Variants in DIAPH2 observed in about 807,000 individuals in gnomAD.
DIAPH2 encodes the protein protein diaphanous homolog 2.
DIAPH2 carries 35 observed loss-of-function variants against 92.7 expected under a neutral mutation model. That is an observed-to-expected ratio of 0.38 (90% CI 0.29 to 0.50). DIAPH2 has a LOEUF of 0.50. DIAPH2 is among the 20% of genes least tolerant of loss of function. The pLI is 0.94. For missense variants in DIAPH2, 701 were observed against 819.5 expected (o/e 0.86, Z 1.77); for synonymous variants, 301 against 280.4 (o/e 1.07, Z -0.73).
At chrX:97,309,021 A>C (rs2068771614) in intron 23 of DIAPH2, among the ~76,000 whole-genome samples, 1 of 109,467 alleles carries the variant, frequency 9.1e-6, no homozygotes, top group Admixed American at 9.7e-5. Flanking sequence ...TCCGTCTCAA[A>C]AAAACAAAAC....
intron 26 of DIAPH2, among the ~76,000 whole-genome samples, chrX:97,430,111 T>C (rs1489100688): frequency 8.9e-6 from 1 of 112,103 alleles, no homozygotes; most frequent in African/African-American, 3.2e-5. Context: ...TCACATTAGC[T>C]ATTCACAGGT....
chrX:97,161,154 G>A (rs1021634652), intron 22 of DIAPH2, among the ~76,000 whole-genome samples: 6 of 105,340 alleles, frequency 5.7e-5, no homozygotes, highest in Non-Finnish European at 1.2e-4. Context: ...TCCATGATCC[G>A]AAAGACCTGG....
chrX:97,248,675 T>G (rs995634572), intron 23 of DIAPH2, among the ~76,000 whole-genome samples: 77 of 112,055 alleles, frequency 6.9e-4, no homozygotes, highest in African/African-American at 2.2e-3. Context: ...GAATAAATAC[T>G]GTAAATTCTT....
At chrX:96,842,871 G>C (rs1406925592) in intron 4 of DIAPH2, among the ~76,000 whole-genome samples, 2 of 111,559 alleles carry the variant, frequency 1.8e-5, no homozygotes, top group East Asian at 5.6e-4. Context: ...TAAGGTGCAG[G>C]CATTTCCATC....
At chrX:97,281,605 G>A (rs1010835539) in intron 23 of DIAPH2, among the ~76,000 whole-genome samples, 6 of 109,842 alleles carry the variant, frequency 5.5e-5, no homozygotes, top group Non-Finnish European at 1.1e-4. Context: ...TTAGCCGGGC[G>A]TGGCAACGGC....
At chrX:97,202,105 C>G (rs1359955886) in intron 22 of DIAPH2, among the ~76,000 whole-genome samples, 1 of 111,695 alleles carries the variant, frequency 9.0e-6, no homozygotes, top group Non-Finnish European at 1.9e-5. Flanking sequence ...TCCAGACAAG[C>G]AAATGCTGAG....
chrX:96,861,957 C>T (rs1265037481), intron 4 of DIAPH2, among the ~76,000 whole-genome samples: 3 of 112,217 alleles, frequency 2.7e-5, no homozygotes, highest in East Asian at 2.8e-4. Context: ...TGTCCAACCT[C>T]GCCTGAGCTT....
intron 26 of DIAPH2, among the ~76,000 whole-genome samples, chrX:97,590,302 C>T (rs1038750289): frequency 3.6e-5 from 4 of 111,635 alleles, no homozygotes; most frequent in Non-Finnish European, 7.5e-5. Flanking sequence ...GGACTGACTA[C>T]CCTAAAACTT....
In DIAPH2 at chrX:97,391,479, A is replaced by G. The variant is rs778986122; in HGVS notation, c.3145+7435A>G. Among the ~76,000 whole-genome samples, 3 of 112,039 alleles carry G rather than the reference A, an allele frequency of 2.7e-5. No homozygotes were observed. In the South Asian group the frequency reaches 1.2e-3, roughly 43 times the overall value. On this transcript the variant is annotated intron_variant, in intron 25 of 26. Coordinates refer to ENST00000324765, the MANE Select transcript of DIAPH2 (RefSeq NM_006729.5). ...GCGAGGTATGTAATATATAGTACAT[A>G]GAGGTATTTCATGCATGGGACCAAA... is the stretch of plus-strand genomic sequence containing the variant.
intron 21 of DIAPH2, among the ~76,000 whole-genome samples, chrX:97,126,954 T>G (rs1436516325): frequency 8.9e-6 from 1 of 112,734 alleles, no homozygotes; most frequent in Non-Finnish European, 1.9e-5. Flanking sequence ...ATCTGAATTA[T>G]CAGAATGCTC....
At chrX:96,805,019 G>A (rs1361607462) in intron 4 of DIAPH2, among the ~76,000 whole-genome samples, 1 of 110,978 alleles carries the variant, frequency 9.0e-6, no homozygotes, top group Non-Finnish European at 1.9e-5. Flanking sequence ...ACAAAAAGTA[G>A]GGTAATACTG....
chrX:97,492,069 T>C (rs1472318128), intron 26 of DIAPH2, among the ~76,000 whole-genome samples: 1 of 112,045 alleles, frequency 8.9e-6, no homozygotes, highest in Non-Finnish European at 1.9e-5. Flanking sequence ...ATTAACAAAT[T>C]TGTGTAGTTA....
intron 22 of DIAPH2, among the ~76,000 whole-genome samples, chrX:97,212,269 G>A (rs2067846142): frequency 8.9e-6 from 1 of 111,763 alleles, no homozygotes; most frequent in Admixed American, 9.5e-5. Flanking sequence ...AGATAAAACT[G>A]TCAGAAAATG....
intron 3 of DIAPH2, among the ~76,000 whole-genome samples, chrX:96,756,911 CTTTTT>C (rs1172916942): frequency 3.5e-3 from 208 of 58,783 alleles, no homozygotes; most frequent in African/African-American, 0.014. Flanking sequence ...ATTTATATAT[CTTTTT>C]TTTTTTTTTT....
intron 8 of DIAPH2, among the ~76,000 whole-genome samples, chrX:96,917,254 G>A: frequency 9.0e-6 from 1 of 110,949 alleles, no homozygotes. Flanking sequence ...ATATTTCCTT[G>A]GAACACTTTG....
At chrX:97,228,101 A>G (rs778322228) in intron 22 of DIAPH2, among the ~76,000 whole-genome samples, 1 of 110,879 alleles carries the variant, frequency 9.0e-6, no homozygotes, top group South Asian at 3.9e-4. Flanking sequence ...AGCTCTCACT[A>G]TATTGGCCAG....
chrX:97,204,078 A>G (rs896292397), intron 22 of DIAPH2, among the ~76,000 whole-genome samples: 16 of 112,214 alleles, frequency 1.4e-4, no homozygotes, highest in African/African-American at 5.2e-4. Context: ...AAGCCACATG[A>G]TCATCTCAAT....
At chrX:97,333,758 T>C (rs190789107) in intron 23 of DIAPH2, among the ~76,000 whole-genome samples, 374 of 110,277 alleles carry the variant, frequency 3.4e-3, no homozygotes, top group African/African-American at 0.012. Flanking sequence ...AGAGACGGGG[T>C]TTCACCATGT....
At chrX:97,393,174 G>A (rs1215988919) in intron 25 of DIAPH2, among the ~76,000 whole-genome samples, 1 of 111,111 alleles carries the variant, frequency 9.0e-6, no homozygotes, top group Non-Finnish European at 1.9e-5. Context: ...AAGGGAGTGA[G>A]CTCATACCTG....
Sources: allele counts gnomAD v4.1 joint callset (sites outside exome capture counted in the v4.1 genomes callset), GRCh38; gene constraint gnomAD v4.1.1; transcripts MANE v1.5; gene names NCBI Gene and HGNC (gene_info 2026-07-23, HGNC 2026-07-21).